Variants in CENPP observed in about 807,000 individuals in gnomAD.
CENPP encodes the protein centromere protein P.
In CENPP, 24 loss-of-function variants were observed where a neutral mutation model predicts 35.6. The ratio of observed to expected loss-of-function variants is 0.67; its 90% CI spans 0.49 to 0.95. CENPP has a LOEUF of 0.95. Ranked by LOEUF, CENPP falls within the 40% of genes least tolerant of loss-of-function variation. The pLI is 0.00. For synonymous variants in CENPP, 120 were observed against 125.5 expected (o/e 0.96, Z 0.29); for missense variants, 332 against 345.3 (o/e 0.96, Z 0.31).
intron 5 of CENPP, among the ~76,000 whole-genome samples, chr9:92,518,509 G>A (rs1413187419): frequency 1.3e-5 from 2 of 152,172 alleles, no homozygotes; most frequent in South Asian, 2.1e-4. Flanking sequence ...GCATGCTTCC[G>A]TGGTGCTTCT....
Position 92,359,359 on chromosome 9 carries a change from C to T in CENPP, c.467+13572C>T, listed in dbSNP as rs534563879. Among the ~76,000 whole-genome samples, 38 of 152,214 alleles carry T rather than the reference C, an allele frequency of 2.5e-4. No homozygotes were observed. In the South Asian group the frequency reaches 7.7e-3, roughly 31 times the overall value. On this transcript the variant is annotated intron_variant, in intron 4 of 7. Coordinates refer to ENST00000375587, the MANE Select transcript of CENPP (RefSeq NM_001012267.3). ...CCAAAGTCAGATTCTCCCTCTTCCC[C>T]AGGGTTTACAGGCTTGTTATTGTTA... is the stretch of plus-strand genomic sequence containing the variant.
chr9:92,422,986 G>C (rs1175466263), intron 5 of CENPP, among the ~76,000 whole-genome samples: 3 of 151,266 alleles, frequency 2.0e-5, no homozygotes, highest in African/African-American at 4.9e-5. Context: ...CTAATACAAT[G>C]CAGTGTTATA....
chr9:92,335,079 G>A (rs975307858), intron 2 of CENPP, among the ~76,000 whole-genome samples: 2 of 152,062 alleles, frequency 1.3e-5, no homozygotes, highest in African/African-American at 4.8e-5. Flanking sequence ...CCAGCTGCTC[G>A]GGAGGCAGAG....
At chr9:92,349,557 C>A (rs1359514879) in intron 4 of CENPP, among the ~76,000 whole-genome samples, 2 of 152,004 alleles carry the variant, frequency 1.3e-5, no homozygotes, top group Non-Finnish European at 2.9e-5. Flanking sequence ...GCACGCACCA[C>A]CACACCCAGC....
chr9:92,481,117 T>C (rs1845897060), intron 5 of CENPP, among the ~76,000 whole-genome samples: 1 of 152,246 alleles, frequency 6.6e-6, no homozygotes, highest in African/African-American at 2.4e-5. Flanking sequence ...CCTCTCCATT[T>C]TTATGATGTT....
At chr9:92,448,750 C>T (rs1049383755) in intron 5 of CENPP, among the ~76,000 whole-genome samples, 2 of 152,068 alleles carry the variant, frequency 1.3e-5, no homozygotes, top group African/African-American at 2.4e-5. Flanking sequence ...ACAATAGTTA[C>T]GTTATTTCCA....
At chr9:92,599,606 G>A (rs527424275) in intron 5 of CENPP, among the ~76,000 whole-genome samples, 14 of 152,118 alleles carry the variant, frequency 9.2e-5, no homozygotes, top group South Asian at 6.2e-4. Context: ...TAGTACAGAC[G>A]GGGTTTCACC....
Position 92,612,563 on chromosome 9 carries a change from G to T in CENPP, c.685G>T (p.Asp229Tyr). ...TGTTTGGAGGATACAAATAGATGAA[G>T]ATGGGAAGGTTTTTCCAAAGCTGGA... Reference protein sequence around the residue: ...VIVWRIQIDEDGKVFPKLDLL... With the variant: ...VIVWRIQIDEYGKVFPKLDLL... Residue 229 changes from aspartate (D) to tyrosine (Y), a missense_variant, in exon 7 of 8, where the codon GAT (aspartate) becomes TAT (tyrosine). Physicochemically the swap from Asp to Tyr is radical, Grantham distance 160. Transcript: ENST00000375587. 4.3e-6 allele frequency: 7 copies of T among 1,614,146 alleles called. No individual in the cohort carries two copies. The South Asian group carries it at 7.7e-5, about 18-fold the overall frequency.
chr9:92,457,504 A>G lies in CENPP; in HGVS notation c.564+77645A>G, dbSNP rs759253599. On this transcript the variant is annotated intron_variant, in intron 5 of 7. Transcript: ENST00000375587. ...AGATTATCTGTTGTAGTAGGAAAAA[A>G]GAAAGGATTAAAAATACCCAGTAAA... 2.1e-5 allele frequency: 33 copies of G among 1,554,762 alleles called. No homozygotes were observed. The Admixed American group carries it at 2.5e-4, about 12-fold the overall frequency.
At chr9:92,345,192 G>T (rs1170854860) in intron 3 of CENPP, among the ~76,000 whole-genome samples, 1 of 152,138 alleles carries the variant, frequency 6.6e-6, no homozygotes, top group Admixed American at 6.5e-5. Context: ...GGCGGAGTTT[G>T]CAGTGAGCCG....
intron 5 of CENPP, among the ~76,000 whole-genome samples, chr9:92,608,779 CCTTTGA>C (rs1371331792): frequency 6.6e-6 from 1 of 152,248 alleles, no homozygotes; most frequent in African/African-American, 2.4e-5. Flanking sequence ...AGCGTTTCTA[CCTTTGA>C]CTTTATTTTA....
chr9:92,604,539 G>A (rs1043507074), intron 5 of CENPP, among the ~76,000 whole-genome samples: 1 of 152,090 alleles, frequency 6.6e-6, no homozygotes, highest in Admixed American at 6.5e-5. Flanking sequence ...GATGAAGCCA[G>A]TCTGTCAATT....
chr9:92,562,069 C>T (rs1849859712), intron 5 of CENPP, among the ~76,000 whole-genome samples: 1 of 152,156 alleles, frequency 6.6e-6, no homozygotes, highest in Non-Finnish European at 1.5e-5. Flanking sequence ...TAGATGGCTT[C>T]AATGCCTGAA....
intron 4 of CENPP, among the ~76,000 whole-genome samples, chr9:92,372,577 C>T (rs997835374): frequency 6.6e-5 from 10 of 152,120 alleles, no homozygotes; most frequent in East Asian, 1.9e-4. Context: ...GTCATCCTTT[C>T]GCCTCCAAGT....
intron 5 of CENPP, among the ~76,000 whole-genome samples, chr9:92,420,105 A>G (rs1039436188): frequency 1.3e-5 from 2 of 152,034 alleles, no homozygotes; most frequent in Non-Finnish European, 2.9e-5. Flanking sequence ...ATTTGCTCCC[A>G]TGCACCCGCA....
At chr9:92,564,498 T>G (rs1849920080) in intron 5 of CENPP, among the ~76,000 whole-genome samples, 1 of 152,100 alleles carries the variant, frequency 6.6e-6, no homozygotes, top group South Asian at 2.1e-4. Flanking sequence ...CAACAGGACT[T>G]AAGATTTAGT....
chr9:92,415,922 A>G (rs1843580940), intron 5 of CENPP, among the ~76,000 whole-genome samples: 1 of 144,094 alleles, frequency 6.9e-6, no homozygotes, highest in Non-Finnish European at 1.5e-5. Context: ...AAAAGGAAAC[A>G]TTGTGGAGAA....
intron 5 of CENPP, chr9:92,386,231 T>C: frequency 6.2e-7 from 1 of 1,613,144 alleles, no homozygotes; most frequent in South Asian, 1.1e-5. Flanking sequence ...GACTTTCTGG[T>C]AAATTAAGAG....
chr9:92,402,949 T>C (rs1033470981), intron 5 of CENPP, among the ~76,000 whole-genome samples: 2 of 152,214 alleles, frequency 1.3e-5, no homozygotes, highest in African/African-American at 2.4e-5. Context: ...TTACTTAATA[T>C]ATAAATTGCA....
Sources: allele counts gnomAD v4.1 joint callset (sites outside exome capture counted in the v4.1 genomes callset), GRCh38; gene constraint gnomAD v4.1.1; transcripts MANE v1.5; gene names NCBI Gene and HGNC (gene_info 2026-07-23, HGNC 2026-07-21).